Variants in SEMA6B observed in about 807,000 individuals in gnomAD.
The protein encoded by SEMA6B is semaphorin-6B.
Under a neutral mutation model 78.6 loss-of-function variants are expected in SEMA6B, and 47 were observed. The observed-to-expected ratio is 0.60, with a 90% CI of 0.47 to 0.76. The LOEUF is 0.76. Ranked by LOEUF, SEMA6B falls within the 30% of genes least tolerant of loss-of-function variation. SEMA6B has a pLI of 0.00. For synonymous variants in SEMA6B, 632 were observed against 592.2 expected (o/e 1.07, Z -0.98); for missense variants, 1,213 against 1,269.9 (o/e 0.96, Z 0.68).
intron 14 of SEMA6B, 123 bp from the exon 15 acceptor site, chr19:4,546,592 A>AT: frequency 2.1e-6 from 1 of 474,566 alleles, no homozygotes; most frequent in South Asian, 7.6e-5. Context: ...TAATTAATTA[A>AT]TTTTTGAGAC....
chr19:4,548,395 T>G lies in SEMA6B; in HGVS notation c.1322A>C (p.Asn441Thr), dbSNP rs1288364782. Residue 441 changes from asparagine (N) to threonine (T), a missense_variant, in exon 13 of 17, where the codon AAC (asparagine) becomes ACC (threonine). Asn to Thr is a moderately conservative substitution (Grantham distance 65). Transcript: ENST00000586582. The part of the protein sequence containing the change: ...AVDVGAGPWG[N>T]QTVVFLGSEA... The stretch of plus-strand genomic sequence containing the variant: ...AGAACCCAGGAAGACAACGGTCTGG[T>G]TGCCCCAGGGGCCGGCTCCCACGTC... 6.2e-7 allele frequency: 1 copy of G among 1,613,568 alleles called. No individual in the cohort carries two copies. Among genetic ancestry groups the G allele is most frequent in the Non-Finnish European group, 8.5e-7 (1 of 1,179,976 alleles).
Position 4,556,852 on chromosome 19 carries a change from G to T in SEMA6B, c.369+99C>A. 2.6e-6 allele frequency: 3 copies of T among 1,164,550 alleles called. No individual in the cohort carries two copies. In the South Asian group the frequency reaches 4.1e-5, roughly 16 times the overall value. The allele number at this position is 1,164,550 out of a possible 1,614,324, so 72.1% of individuals were successfully genotyped here. A position where few individuals can be genotyped will look rare whatever the true frequency, so the allele number is the denominator to read the frequency against. On this transcript the variant is annotated intron_variant, in intron 5 of 16. Transcript: ENST00000586582. Reference sequence around the variant, plus strand: ...TTGGGGGTGGGTTGGGGCGTGGCCAGGGCTGGCGGGGTGGGCGTGGCCTGG... The same window carrying T: ...TTGGGGGTGGGTTGGGGCGTGGCCATGGCTGGCGGGGTGGGCGTGGCCTGG...
rs1977305221 is a variant in SEMA6B at position 4,550,664 on chromosome 19, TCA to T, written c.1121+133_1121+134del. 4.4e-6 allele frequency: 5 copies of T among 1,125,990 alleles called. No individual in the cohort carries two copies. In the East Asian group the frequency reaches 1.3e-4, roughly 29 times the overall value. 69.7% of individuals were successfully genotyped at this position (1,125,990 alleles called of 1,614,324 possible). ...CAGGCGTGAGCCACCACACCAGGCCTCAGTTTTTCCCAACTGTATAACGGGTA... is the reference window on the plus strand; with the variant it reads ...CAGGCGTGAGCCACCACACCAGGCCTGTTTTTCCCAACTGTATAACGGGTA... On this transcript the variant is annotated intron_variant, in intron 11 of 16. Coordinates refer to ENST00000586582, the MANE Select transcript of SEMA6B (RefSeq NM_032108.4). This position sits in a 1 kb window ranked among gnomAD's most constrained non-coding sequence, Gnocchi z 6.6.
At position 4,546,066 on chromosome 19, in the gene SEMA6B, C is replaced by T. The variant is rs554384039; in HGVS notation, c.1738+150G>A. The T allele has an allele frequency of 1.1e-4, 88 of 798,246 alleles. 1 individual carries two copies. In the African/African-American group the frequency reaches 1.3e-3, roughly 12 times the overall value. 49.4% of individuals were successfully genotyped at this position (798,246 alleles called of 1,614,324 possible). A position where few individuals can be genotyped will look rare whatever the true frequency, so the allele number is the denominator to read the frequency against. ...GATTACAGGCGTGAGCCACCGCGCC[C>T]GGCCCACCCCATGCCTTTCTAAAGT... On this transcript the variant is annotated intron_variant, in intron 16 of 16. Transcript: ENST00000586582.
chr19:4,543,158 G>A lies in SEMA6B; in HGVS notation c.*443C>T. 1.7e-6 allele frequency: 1 copy of A among 603,752 alleles called. No homozygotes were observed. 37.4% of individuals were successfully genotyped at this position (603,752 alleles called of 1,614,324 possible). On this transcript the variant is annotated 3_prime_UTR_variant, in exon 17 of 17. Coordinates refer to ENST00000586582, the MANE Select transcript of SEMA6B (RefSeq NM_032108.4). ...CGCACGCACACCCACACACGCCAGG[G>A]GCCTGGGTTGGGGAGGGACCTTTCC...
chr19:4,557,481 T>C (rs1242237289), intron 3 of SEMA6B, among the ~76,000 whole-genome samples: 1 of 152,094 alleles, frequency 6.6e-6, no homozygotes, highest in East Asian at 1.9e-4. Context: ...GGTGCCCCAC[T>C]CGGCGCCTCC....
In SEMA6B at chr19:4,544,642, T is replaced by C. The variant is rs79052519; in HGVS notation, c.1739-113A>G. 264,137 of 574,810 alleles carry C rather than the reference T, an allele frequency of 0.46. 65,894 individuals are homozygous for C. The highest frequency in any genetic ancestry group is 0.84 in the East Asian group (24,099 of 28,776). The allele number at this position is 574,810 out of a possible 1,614,324, so 35.6% of individuals were successfully genotyped here. On this transcript the variant is annotated intron_variant, in intron 16 of 16. Coordinates refer to ENST00000586582, the MANE Select transcript of SEMA6B (RefSeq NM_032108.4). The surrounding 1 kb of genome is among the most constrained non-coding windows in gnomAD (Gnocchi z 5.1). ...TTTATTATTTTTATTTTTTTTTATTTATTTATTTTTTGAGAAGGAGTCTTC... is the reference window on the plus strand; with the variant it reads ...TTTATTATTTTTATTTTTTTTTATTCATTTATTTTTTGAGAAGGAGTCTTC...
chr19:4,554,979 T>A lies in SEMA6B; in HGVS notation c.679A>T (p.Lys227Ter), dbSNP rs1290509489. Residue 227 changes from lysine to a stop codon, truncating the protein, a stop_gained, in exon 8 of 17, where the codon AAA (lysine) becomes TAA (stop). Coordinates refer to ENST00000586582, the MANE Select transcript of SEMA6B (RefSeq NM_032108.4). LOFTEE classifies it high-confidence loss of function. ...RTVKHDSKWF[K>*]EPYFVHAVEW... ...CCACTGCCCTTCCTGGTCTCACCTTTGAACCACTTGGAGTCATGTTTCACG... is the reference window on the plus strand; with the variant it reads ...CCACTGCCCTTCCTGGTCTCACCTTAGAACCACTTGGAGTCATGTTTCACG... 1 of 1,613,952 alleles carries A rather than the reference T, an allele frequency of 6.2e-7. No homozygotes were observed. The highest frequency in any genetic ancestry group is 1.7e-5 in the Admixed American group (1 of 60,022).
chr19:4,555,143 G>A lies in SEMA6B; in HGVS notation c.563-48C>T. On this transcript the variant is annotated intron_variant, in intron 7 of 16. Coordinates refer to ENST00000586582, the MANE Select transcript of SEMA6B (RefSeq NM_032108.4). This position sits in a 1 kb window ranked among gnomAD's most constrained non-coding sequence, Gnocchi z 6.1. ...GCAGGCAAGAGATGAGACCGCAGAG[G>A]CCAGGGGCTGGGTGGGTCGAAACTC... The A allele has an allele frequency of 1.2e-6, 2 of 1,606,144 alleles. No individual in the cohort carries two copies. The highest frequency in any genetic ancestry group is 1.7e-6 in the Non-Finnish European group (2 of 1,175,618).
At chr19:4,547,885 CG>C in intron 14 of SEMA6B, 141 bp downstream of exon 14, 5 of 1,072,536 alleles carry the variant, frequency 4.7e-6, no homozygotes, top group Non-Finnish European at 6.4e-6. Context: ...TGGTCCTGCC[CG>C]CGGGCCTTTG....
rs1041531752 is a variant in SEMA6B, at chr19:4,544,238, G to A, written c.2030C>T (p.Pro677Leu). The A allele has an allele frequency of 3.1e-6, 4 of 1,276,342 alleles. No homozygotes were observed. Among genetic ancestry groups the A allele is most frequent in the African/African-American group, 3.1e-5 (2 of 64,006 alleles). 79.1% of individuals were successfully genotyped at this position (1,276,342 alleles called of 1,614,324 possible). ...GGGGGGAGVPPEALLAPLMQN... is the reference protein window; with the variant it reads ...GGGGGGAGVPLEALLAPLMQN... ...CATCAGGGGCGCCAGCAGGGCCTCC[G>A]GGGGAACCCCGGCGCCACCGCCACC... is the stretch of plus-strand genomic sequence containing the variant. The change falls in exon 17 of 17, where the codon CCG (proline) becomes CTG (leucine). Residue 677 changes from proline to leucine, a missense_variant. Physicochemically the swap from Pro to Leu is moderately conservative, Grantham distance 98. Coordinates refer to ENST00000586582, the MANE Select transcript of SEMA6B (RefSeq NM_032108.4). This position sits in a 1 kb window ranked among gnomAD's most constrained non-coding sequence, Gnocchi z 5.1.
chr19:4,555,225 T>C lies in SEMA6B; in HGVS notation c.563-130A>G. ...GAGCCCCTGTCTCCAGGCTGAGCCC[T>C]GATCCCATCCAAGCCCCACCTCCAT... On this transcript the variant is annotated intron_variant, in intron 7 of 16. Transcript: ENST00000586582. This position sits in a 1 kb window ranked among gnomAD's most constrained non-coding sequence, Gnocchi z 6.1. 1 of 1,042,222 alleles carries C rather than the reference T, an allele frequency of 9.6e-7. No individual in the cohort carries two copies. Among genetic ancestry groups the C allele is most frequent in the Non-Finnish European group, 1.4e-6 (1 of 721,186 alleles). The allele number at this position is 1,042,222 out of a possible 1,614,324, so 64.6% of individuals were successfully genotyped here.
At position 4,543,662 on chromosome 19, in the gene SEMA6B, G is replaced by A; in HGVS notation, c.2606C>T (p.Thr869Ile). The change falls in exon 17 of 17, where the codon ACA (threonine) becomes ATA (isoleucine). Residue 869 changes from threonine (T) to isoleucine (I), a missense_variant. By Grantham distance (89) the Thr-to-Ile change is moderately conservative. Coordinates refer to ENST00000586582, the MANE Select transcript of SEMA6B (RefSeq NM_032108.4). ...ATAGGGGAGGAGGTGGGCCAAGTCTGTGCCCGGCCGGGCGTGGCAGCCGCG... is the reference window on the plus strand; with the variant it reads ...ATAGGGGAGGAGGTGGGCCAAGTCTATGCCCGGCCGGGCGTGGCAGCCGCG... ...RHRGCHARPG[T>I]DLAHLLPYGG... 1 of 1,231,376 alleles carries A rather than the reference G, an allele frequency of 8.1e-7. No individual in the cohort carries two copies. Among genetic ancestry groups the A allele is most frequent in the Non-Finnish European group, 1.0e-6 (1 of 987,608 alleles). The allele number at this position is 1,231,376 out of a possible 1,614,324, so 76.3% of individuals were successfully genotyped here.
At position 4,552,475 on chromosome 19, in the gene SEMA6B, G is replaced by C. The variant is rs1030369302; in HGVS notation, c.936C>G (p.Val312=). ...GGACCACGGGCCGGCCCCCGAGGCTGACCACGCCCGTGACAGCCTGCAGCA... is the reference window on the plus strand; with the variant it reads ...GGACCACGGGCCGGCCCCCGAGGCTCACCACGCCCGTGACAGCCTGCAGCA... ...FNVLQAVTGV[V]SLGGRPVVLA... The change falls in exon 10 of 17, where the codon GTC becomes GTG. Residue 312 remains valine, a synonymous_variant. Transcript: ENST00000586582. The surrounding 1 kb of genome is among the most constrained non-coding windows in gnomAD (Gnocchi z 7.4). The C allele has an allele frequency of 6.2e-6, 10 of 1,609,946 alleles. No individual in the cohort carries two copies. The highest frequency in any genetic ancestry group is 1.3e-5 in the African/African-American group (1 of 74,880).
chr19:4,554,547 T>C, intron 8 of SEMA6B, 71 bp from the exon 9 acceptor site: 2 of 1,163,640 alleles, frequency 1.7e-6, no homozygotes, highest in Non-Finnish European at 2.6e-6. Context: ...AAGAACTCAC[T>C]GGCTTTTATG....
Position 4,546,471 on chromosome 19 carries a change from T to G in SEMA6B, c.1602-2A>C. 1 of 1,555,638 alleles carries G rather than the reference T, an allele frequency of 6.4e-7. No homozygotes were observed. Among genetic ancestry groups the G allele is most frequent in the Non-Finnish European group, 8.7e-7 (1 of 1,148,826 alleles). ...GGGTCCTGACTGCCGATACAGTTCC[T>G]AGAGCAGACCAGGGACCGAATGGGA... On this transcript the variant is annotated splice_acceptor_variant, in intron 14 of 16. Coordinates refer to ENST00000586582, the MANE Select transcript of SEMA6B (RefSeq NM_032108.4). LOFTEE classifies it high-confidence loss of function.
chr19:4,547,199 C>A (rs892748133), intron 14 of SEMA6B, among the ~76,000 whole-genome samples: 1 of 151,834 alleles, frequency 6.6e-6, no homozygotes, highest in Admixed American at 6.6e-5. Context: ...TCGAACTCCT[C>A]GGCTCAAGGA....
At chr19:4,546,812 A>C (rs1298960304) in intron 14 of SEMA6B, among the ~76,000 whole-genome samples, 2 of 151,670 alleles carry the variant, frequency 1.3e-5, no homozygotes, top group African/African-American at 4.8e-5. Flanking sequence ...TTTATCAGAG[A>C]CAGGGTTTCA....
rs1480697986 is a variant in SEMA6B at position 4,543,151 on chromosome 19, C to A, written c.*450G>T. 8.2e-6 allele frequency: 5 copies of A among 606,242 alleles called. No individual in the cohort carries two copies. In the East Asian group the frequency reaches 1.4e-4, roughly 17 times the overall value. The allele number at this position is 606,242 out of a possible 1,614,324, so 37.6% of individuals were successfully genotyped here. On this transcript the variant is annotated 3_prime_UTR_variant, in exon 17 of 17. Coordinates refer to ENST00000586582, the MANE Select transcript of SEMA6B (RefSeq NM_032108.4). The stretch of plus-strand genomic sequence containing the variant: ...ACGCACACGCACGCACACCCACACA[C>A]GCCAGGGGCCTGGGTTGGGGAGGGA...
Sources: gnomAD v4.1 joint callset for allele counts (sites outside exome capture counted in the v4.1 genomes callset) on GRCh38, gnomAD v4.1.1 for gene constraint, Gnocchi (gnomAD v3.1) non-coding constraint, MANE v1.5 for transcripts, NCBI Gene and HGNC (gene_info 2026-07-23, HGNC 2026-07-21) for gene names.